Variants in ITGA8 observed in about 807,000 individuals in gnomAD.
ITGA8 encodes the protein integrin subunit alpha 8.
A neutral mutation model predicts 142.3 loss-of-function variants in ITGA8; 91 were observed. The ratio of observed to expected loss-of-function variants is 0.64; its 90% CI spans 0.54 to 0.76. ITGA8 has a LOEUF of 0.76. Ranked by LOEUF, ITGA8 falls within the 30% of genes least tolerant of loss-of-function variation. The probability of loss-of-function intolerance (pLI) is 0.00; values close to 1 mark genes in which losing one functional copy is unlikely to be tolerated. For missense variants in ITGA8, 1,406 were observed against 1,327.7 expected (o/e 1.06, Z -0.92); for synonymous variants, 505 against 485.2 (o/e 1.04, Z -0.54).
intron 14 of ITGA8, 109 bp downstream of exon 14, chr10:15,616,405 C>T (rs1184509378): frequency 2.3e-6 from 2 of 868,968 alleles, no homozygotes; most frequent in Admixed American, 1.9e-5. Context: ...AAAAGAGCAT[C>T]TAAATATTCC....
At position 15,514,933 on chromosome 10, in the gene ITGA8, CAG is replaced by C. The variant is rs1323644750; in HGVS notation, c.*2223_*2224del. The C allele has an allele frequency of 1.3e-5, 2 of 152,278 alleles. No individual in the cohort carries two copies. The highest frequency in any genetic ancestry group is 2.9e-5 in the Non-Finnish European group (2 of 68,104). 9.4% of individuals were successfully genotyped at this position (152,278 alleles called of 1,614,324 possible). On this transcript the variant is annotated 3_prime_UTR_variant, in exon 30 of 30. Coordinates refer to ENST00000378076, the MANE Select transcript of ITGA8 (RefSeq NM_003638.3). ...TCCTCCTGGCATCTCTAGTTCCTTC[CAG>C]GTATCTGCATAAACTATCTCAACAG...
At chr10:15,633,045 C>T (rs762460882) in intron 13 of ITGA8, among the ~76,000 whole-genome samples, 41 of 152,164 alleles carry the variant, frequency 2.7e-4, no homozygotes, top group Non-Finnish European at 5.3e-4. Context: ...ACTCATTCTG[C>T]TCATTGCTAA....
At chr10:15,607,863 A>G in intron 16 of ITGA8, 32 bp from the exon 17 acceptor site, 1 of 1,581,700 alleles carries the variant, frequency 6.3e-7, no homozygotes, top group Non-Finnish European at 8.7e-7. Flanking sequence ...GAGAAAAAGT[A>G]TTCAGTGAAC....
At chr10:15,670,774 T>G (rs1015319091) in intron 8 of ITGA8, among the ~76,000 whole-genome samples, 9 of 152,176 alleles carry the variant, frequency 5.9e-5, no homozygotes, top group Non-Finnish European at 1.3e-4. Context: ...GTTGAATAGA[T>G]CCCAGAATTG....
intron 15 of ITGA8, among the ~76,000 whole-genome samples, chr10:15,611,191 C>T (rs1833287172): frequency 6.6e-6 from 1 of 152,038 alleles, no homozygotes. Flanking sequence ...AAGCTAAGTT[C>T]CTAAAATAAA....
intron 3 of ITGA8, 44 bp downstream of exon 3, chr10:15,687,894 A>C (rs776863824): frequency 2.6e-6 from 3 of 1,149,058 alleles, no homozygotes; most frequent in Non-Finnish European, 4.0e-6. Flanking sequence ...TCCAGTGCAC[A>C]CCATACTCCA....
rs896434 is a variant in ITGA8, at chr10:15,515,277, T to G, written c.*1881A>C. On this transcript the variant is annotated 3_prime_UTR_variant, in exon 30 of 30. Coordinates refer to ENST00000378076, the MANE Select transcript of ITGA8 (RefSeq NM_003638.3). ...TTCTTTGAGGCAACTTCAGTGCTCA[T>G]CCGTAGTCAGCCACACAAACCAGCC... is the stretch of plus-strand genomic sequence containing the variant. 0.52 allele frequency: 78,195 copies of G among 151,744 alleles called. 24,106 individuals are homozygous for G. Among genetic ancestry groups the G allele is most frequent in the Middle Eastern group, 0.7 (205 of 292 alleles). The allele number at this position is 151,744 out of a possible 1,614,324, so 9.4% of individuals were successfully genotyped here. A position where few individuals can be genotyped will look rare whatever the true frequency, so the allele number is the denominator to read the frequency against.
intron 26 of ITGA8, among the ~76,000 whole-genome samples, chr10:15,551,826 C>G (rs559039477): frequency 6.6e-6 from 1 of 152,040 alleles, no homozygotes; most frequent in Non-Finnish European, 1.5e-5. Flanking sequence ...GACTCCAGGA[C>G]ATAGGGGGTC....
intron 27 of ITGA8, among the ~76,000 whole-genome samples, chr10:15,532,705 A>G (rs559159086): frequency 6.6e-6 from 1 of 150,434 alleles, no homozygotes; most frequent in Admixed American, 6.6e-5. Flanking sequence ...CTGGGTCCTA[A>G]CTGGCTCATC....
intron 25 of ITGA8, among the ~76,000 whole-genome samples, chr10:15,569,174 A>G (rs192768562): frequency 5.9e-5 from 9 of 152,326 alleles, no homozygotes; most frequent in African/African-American, 2.2e-4. Context: ...GATTTTGCTG[A>G]AAGAAAATCA....
At chr10:15,575,455 C>A in intron 24 of ITGA8, 34 bp downstream of exon 24, 2 of 1,390,468 alleles carry the variant, frequency 1.4e-6, no homozygotes, top group African/African-American at 1.4e-5. Context: ...TAAGAATAAA[C>A]CCCTAACACA....
At chr10:15,705,249 A>G (rs1312033832) in intron 2 of ITGA8, among the ~76,000 whole-genome samples, 8 of 152,214 alleles carry the variant, frequency 5.3e-5, no homozygotes, top group Admixed American at 4.6e-4. Context: ...CCACTTTGCC[A>G]TTCTGCCACT....
intron 8 of ITGA8, among the ~76,000 whole-genome samples, chr10:15,666,360 A>G (rs1000829426): frequency 4.6e-5 from 7 of 152,110 alleles, no homozygotes; most frequent in Non-Finnish European, 1.0e-4. Flanking sequence ...ATTTTTGTAC[A>G]TTGATTTTGT....
At chr10:15,672,903 G>A (rs1282721620) in intron 6 of ITGA8, among the ~76,000 whole-genome samples, 154 bp from the exon 7 acceptor site, 1 of 152,184 alleles carries the variant, frequency 6.6e-6, no homozygotes, top group Non-Finnish European at 1.5e-5. Context: ...GGCAGAGTTA[G>A]TTACAGCTGG....
chr10:15,704,352 A>G (rs1042368506), intron 2 of ITGA8, among the ~76,000 whole-genome samples: 3 of 152,246 alleles, frequency 2.0e-5, no homozygotes, highest in East Asian at 1.9e-4. Context: ...TGCACCTGCT[A>G]ATTTTTTTAG....
intron 2 of ITGA8, among the ~76,000 whole-genome samples, chr10:15,689,025 T>G (rs145181128): frequency 3.3e-5 from 5 of 152,020 alleles, no homozygotes; most frequent in African/African-American, 9.7e-5. Flanking sequence ...ATAAAAGACA[T>G]CCAAATCAGA....
At chr10:15,614,378 A>G (rs1377757135) in intron 14 of ITGA8, among the ~76,000 whole-genome samples, 1 of 152,224 alleles carries the variant, frequency 6.6e-6, no homozygotes, top group African/African-American at 2.4e-5. Flanking sequence ...AATCACCTAA[A>G]GAGCTTTAAA....
chr10:15,586,908 T>C (rs1341522702), intron 22 of ITGA8, among the ~76,000 whole-genome samples: 2 of 152,064 alleles, frequency 1.3e-5, no homozygotes, highest in Non-Finnish European at 2.9e-5. Context: ...ATACAATAGA[T>C]ATCTAAAGAA....
intron 27 of ITGA8, among the ~76,000 whole-genome samples, chr10:15,531,709 C>G (rs1052556565): frequency 6.6e-6 from 1 of 151,392 alleles, no homozygotes; most frequent in South Asian, 2.1e-4. Flanking sequence ...AGGCCGAGGC[C>G]GGTGGATCCC....
Sources: allele counts gnomAD v4.1 joint callset (sites outside exome capture counted in the v4.1 genomes callset), GRCh38; gene constraint gnomAD v4.1.1; transcripts MANE v1.5; gene names NCBI Gene and HGNC (gene_info 2026-07-23, HGNC 2026-07-21).